The following SV2C variants were observed in gnomAD, a reference collection of about 807,000 sequenced individuals.
The protein encoded by SV2C is synaptic vesicle glycoprotein 2C, also known as solute carrier family 22 member B3.
Under a neutral mutation model 79.7 loss-of-function variants are expected in SV2C, and 49 were observed. The ratio of observed to expected loss-of-function variants is 0.61; its 90% CI spans 0.49 to 0.78. The LOEUF is 0.78. Ranked by LOEUF, SV2C falls within the 30% of genes least tolerant of loss-of-function variation. The pLI, the probability that SV2C is intolerant of heterozygous loss-of-function variation, is 0.00. For synonymous variants in SV2C, 334 were observed against 333.2 expected, an observed-to-expected ratio of 1.00 and a Z score of -0.03; for missense variants, 833 against 912.9, an observed-to-expected ratio of 0.91 and a Z score of 1.13.
At chr5:75,957,911 C>T in the SV2C span, among the ~76,000 whole-genome samples, 1 of 151,976 alleles carries the variant, frequency 6.6e-6, no homozygotes, top group East Asian at 1.9e-4. Context: ...CATCTTTGGA[C>T]TTTGGATACA....
At chr5:75,984,579 C>CTA in the SV2C span, among the ~76,000 whole-genome samples, 15 of 81,926 alleles carry the variant, frequency 1.8e-4, no homozygotes, top group African/African-American at 4.4e-4. Flanking sequence ...ATCTATCTAT[C>CTA]TATCTATCTA....
At chr5:76,029,155 A>G in the SV2C span, among the ~76,000 whole-genome samples, 1 of 152,350 alleles carries the variant, frequency 6.6e-6, no homozygotes. Flanking sequence ...GATATTTTAA[A>G]GTATGTATAC....
the SV2C span, among the ~76,000 whole-genome samples, chr5:75,869,789 G>C: frequency 1.3e-5 from 2 of 152,198 alleles, no homozygotes; most frequent in Non-Finnish European, 2.9e-5. Context: ...ACCAGCCCAG[G>C]TTCAGGCAGC....
upstream of SV2C, among the ~76,000 whole-genome samples, chr5:76,079,945 G>GT (rs547913283): frequency 0.015 from 2,143 of 145,244 alleles, 26 homozygotes; most frequent in Non-Finnish European, 0.016. Context: ...AGCTTAGGGT[G>GT]TTTTTTTTTT....
the SV2C span, among the ~76,000 whole-genome samples, chr5:76,010,348 T>A: frequency 2.0e-5 from 3 of 152,084 alleles, no homozygotes; most frequent in Admixed American, 6.6e-5. Flanking sequence ...GAAAAGACGG[T>A]TGAATTATGT....
At chr5:75,849,048 C>G in the SV2C span, among the ~76,000 whole-genome samples, 3 of 152,230 alleles carry the variant, frequency 2.0e-5, no homozygotes, top group Non-Finnish European at 4.4e-5. Context: ...TCCCCACCCC[C>G]ACCAGCCCCT....
intron 4 of SV2C, among the ~76,000 whole-genome samples, chr5:76,247,458 G>A (rs1432469486): frequency 6.6e-6 from 1 of 152,228 alleles, no homozygotes; most frequent in Non-Finnish European, 1.5e-5. Flanking sequence ...ATACTGTGAA[G>A]TGTGAATGAG....
At chr5:75,934,220 T>C in the SV2C span, among the ~76,000 whole-genome samples, 1 of 152,114 alleles carries the variant, frequency 6.6e-6, no homozygotes, top group South Asian at 2.1e-4. Flanking sequence ...AGACTGTGAC[T>C]GGATAACTTG....
chr5:76,081,595 G>T (rs1276934313), upstream of SV2C, among the ~76,000 whole-genome samples: 1 of 152,060 alleles, frequency 6.6e-6, no homozygotes, highest in African/African-American at 2.4e-5. Context: ...AAATGAGCAC[G>T]TTCACTAATT....
chr5:76,300,624 G>C, intron 10 of SV2C, 105 bp from the exon 11 acceptor site: 1 of 1,225,848 alleles, frequency 8.2e-7, no homozygotes, highest in Non-Finnish European at 1.2e-6. Context: ...AAGCCCTCAA[G>C]GAATTTACAA....
intron 2 of SV2C, among the ~76,000 whole-genome samples, chr5:76,171,660 TG>T (rs1554037644): frequency 2.7e-5 from 2 of 74,290 alleles, no homozygotes; most frequent in South Asian, 5.1e-4. Context: ...GGGAGGGAGG[TG>T]GGGGGTCAGC....
At position 76,329,048 on chromosome 5, in the gene SV2C, G is replaced by C. The variant is rs540050246; in HGVS notation, c.*3501G>C. Reference sequence around the variant, plus strand: ...CCCAAAATGCTGGGATTACAGGCGTGAGCCACTGGCGGCCTCAACTCATTT... The same window carrying C: ...CCCAAAATGCTGGGATTACAGGCGTCAGCCACTGGCGGCCTCAACTCATTT... On this transcript the variant is annotated 3_prime_UTR_variant, in exon 13 of 13. Transcript: ENST00000502798. 6.6e-6 allele frequency: 1 copy of C among 152,210 alleles called. No homozygotes were observed. The highest frequency in any genetic ancestry group is 2.4e-5 in the African/African-American group (1 of 41,448). 9.4% of individuals were successfully genotyped at this position (152,210 alleles called of 1,614,324 possible).
chr5:76,126,452 C>T (rs76162570), intron 1 of SV2C, among the ~76,000 whole-genome samples: 5,883 of 152,130 alleles, frequency 0.039, 323 homozygotes, highest in African/African-American at 0.12. Context: ...GTGCTCAGTG[C>T]GGAAAGCTTC....
At chr5:76,284,020 G>A (rs943632282) in intron 4 of SV2C, among the ~76,000 whole-genome samples, 41 of 152,138 alleles carry the variant, frequency 2.7e-4, no homozygotes, top group African/African-American at 8.9e-4. Flanking sequence ...TAAATACCAA[G>A]CATTGCTATA....
chr5:76,021,624 C>G, the SV2C span, among the ~76,000 whole-genome samples: 1 of 152,172 alleles, frequency 6.6e-6, no homozygotes, highest in African/African-American at 2.4e-5. Flanking sequence ...ACAAGTGATA[C>G]AGGAGAGGTC....
At chr5:76,031,738 C>T in the SV2C span, among the ~76,000 whole-genome samples, 1 of 152,182 alleles carries the variant, frequency 6.6e-6, no homozygotes, top group Admixed American at 6.5e-5. Flanking sequence ...GAGTGATACT[C>T]TAATACCATC....
the SV2C span, among the ~76,000 whole-genome samples, chr5:75,984,567 A>ATC: frequency 0.28 from 28,245 of 102,252 alleles, 3,448 homozygotes; most frequent in East Asian, 0.43. Context: ...CTATCTATCT[A>ATC]TATCTATCTA....
chr5:76,113,858 C>T (rs1561220954), intron 1 of SV2C, among the ~76,000 whole-genome samples: 1 of 152,126 alleles, frequency 6.6e-6, no homozygotes, highest in Non-Finnish European at 1.5e-5. Context: ...TTCTCAGTGG[C>T]TACCTAGATC....
chr5:75,948,731 G>A, the SV2C span, among the ~76,000 whole-genome samples: 2 of 151,994 alleles, frequency 1.3e-5, no homozygotes, highest in Middle Eastern at 3.2e-3. Context: ...CCCTGAGTAT[G>A]CGTGGTATGT....
Sources: allele counts gnomAD v4.1 joint callset (sites outside exome capture counted in the v4.1 genomes callset), GRCh38; gene constraint gnomAD v4.1.1; transcripts MANE v1.5; gene names NCBI Gene and HGNC (gene_info 2026-07-23, HGNC 2026-07-21).